The following ERMP1 variants were observed in gnomAD, a reference collection of about 807,000 sequenced individuals.
The protein encoded by ERMP1 is Felix-ina.
In ERMP1, 86 loss-of-function variants were observed where a neutral mutation model predicts 92.0. That is an observed-to-expected ratio of 0.93 (90% CI 0.79 to 1.12). ERMP1 has a LOEUF of 1.12. Among genes scored for constraint, ERMP1 ranks in the 50% most tolerant of loss-of-function variants. The pLI is 0.00. For missense variants in ERMP1, 1,342 were observed against 1,116.3 expected (o/e 1.20, Z -2.88); for synonymous variants, 530 against 412.8 (o/e 1.28, Z -3.44).
intron 5 of ERMP1, chr9:5,812,664 C>A: frequency 1.7e-6 from 1 of 575,606 alleles, no homozygotes. Context: ...ACAGTTCACC[C>A]CTGTTCTTCT....
intron 4 of ERMP1, among the ~76,000 whole-genome samples, chr9:5,813,332 A>G (rs1479538913): frequency 6.6e-6 from 1 of 152,188 alleles, no homozygotes; most frequent in African/African-American, 2.4e-5. Flanking sequence ...TCAATTGTAT[A>G]TCTTTAATTT....
intron 6 of ERMP1, among the ~76,000 whole-genome samples, chr9:5,852,306 T>C (rs1830319728): frequency 6.6e-6 from 1 of 151,878 alleles, no homozygotes; most frequent in African/African-American, 2.4e-5. Context: ...TTCTGTCATG[T>C]AGCTGGAGTG....
At chr9:5,859,693 C>A (rs1261132815) in intron 5 of ERMP1, among the ~76,000 whole-genome samples, 1 of 152,176 alleles carries the variant, frequency 6.6e-6, no homozygotes, top group Non-Finnish European at 1.5e-5. Flanking sequence ...TATTTCAAAG[C>A]CTTAAGTTGT....
intron 5 of ERMP1, among the ~76,000 whole-genome samples, chr9:5,863,774 G>A (rs1830570317): frequency 6.6e-6 from 1 of 152,140 alleles, no homozygotes; most frequent in African/African-American, 2.4e-5. Context: ...GCAGACATAT[G>A]TGTATCTTTT....
intron 5 of ERMP1, among the ~76,000 whole-genome samples, chr9:5,866,709 G>C (rs1830675604): frequency 6.6e-6 from 1 of 152,152 alleles, no homozygotes; most frequent in Non-Finnish European, 1.5e-5. Flanking sequence ...TATTATAAAA[G>C]TTTTTTCAAA....
chr9:5,828,935 T>A (rs1829828091), intron 2 of ERMP1, among the ~76,000 whole-genome samples: 1 of 152,036 alleles, frequency 6.6e-6, no homozygotes, highest in African/African-American at 2.4e-5. Context: ...ATTACTGCTT[T>A]GAAATGGACA....
chr9:5,854,672 T>A (rs1330016236), intron 6 of ERMP1, among the ~76,000 whole-genome samples: 1 of 152,128 alleles, frequency 6.6e-6, no homozygotes, highest in Non-Finnish European at 1.5e-5. Context: ...ACTACAGGCG[T>A]GCGTCACCAT....
At chr9:5,802,262 G>C (rs923721972) in intron 10 of ERMP1, among the ~76,000 whole-genome samples, 6 of 152,160 alleles carry the variant, frequency 3.9e-5, no homozygotes, top group Admixed American at 1.3e-4. Flanking sequence ...TTTTGCTGCA[G>C]ATGCCTCTGG....
intron 4 of ERMP1, among the ~76,000 whole-genome samples, chr9:5,821,955 T>C (rs1302942085): frequency 1.3e-5 from 2 of 152,114 alleles, no homozygotes; most frequent in African/African-American, 4.8e-5. Context: ...CTAACTGACA[T>C]CCAAGAAATA....
intron 10 of ERMP1, among the ~76,000 whole-genome samples, chr9:5,803,058 CAAAA>C (rs1177028088): frequency 2.1e-5 from 3 of 144,390 alleles, no homozygotes; most frequent in East Asian, 2.2e-4. Context: ...AACAAACAAA[CAAAA>C]AACCGTGATT....
rs1283311012 is a variant in ERMP1, at chr9:5,866,204, T to C, written n.3055+1598A>G. 5.3e-5 allele frequency among the ~76,000 whole-genome samples: 8 copies of C among 152,232 alleles called. No individual in the cohort carries two copies. In the East Asian group the frequency reaches 1.2e-3, roughly 22 times the overall value. On this transcript the variant is annotated intron_variant and non_coding_transcript_variant, in intron 5 of 6. Transcript: ENST00000690753. ...AGCCCCTCTCTTACACCAGTTTCCA[T>C]TGGTGTTGGGACTATATTGTTTGTA...
At chr9:5,817,113 A>C (rs548850284) in intron 4 of ERMP1, among the ~76,000 whole-genome samples, 1 of 151,578 alleles carries the variant, frequency 6.6e-6, no homozygotes, top group Non-Finnish European at 1.5e-5. Flanking sequence ...TTATCCAGGA[A>C]GGTCTCGATC....
At chr9:5,792,143 G>A (rs1207376585) in intron 13 of ERMP1, among the ~76,000 whole-genome samples, 1 of 152,104 alleles carries the variant, frequency 6.6e-6, no homozygotes, top group Non-Finnish European at 1.5e-5. Flanking sequence ...CAGTGCAAAG[G>A]GAGTGCTGAA....
At chr9:5,866,349 G>C (rs572889725) in intron 5 of ERMP1, among the ~76,000 whole-genome samples, 2 of 152,274 alleles carry the variant, frequency 1.3e-5, no homozygotes, top group South Asian at 4.1e-4. Flanking sequence ...CAAACCATAG[G>C]ATCCAACAAT....
In ERMP1 at chr9:5,810,155, A is replaced by G; in HGVS notation, c.1404T>C (p.Val468=). The G allele has an allele frequency of 6.2e-7, 1 of 1,614,104 alleles. No homozygotes were observed. Among genetic ancestry groups the G allele is most frequent in the Non-Finnish European group, 8.5e-7 (1 of 1,179,990 alleles). ...GAGAGATGAACACTGCTATAATGAG[A>G]ACGGTAACAAGGCTAGTGAACCAGC... ...LISWFTSLVT[V]LIIAVFISLI... The change falls in exon 8 of 15, where the codon GTT becomes GTC. Residue 468 remains valine (V), a synonymous_variant. Coordinates refer to ENST00000339450, the MANE Select transcript of ERMP1 (RefSeq NM_024896.3).
rs1827967472 is a variant in ERMP1 at position 5,787,015 on chromosome 9, C to G, written c.*129G>C. 4 of 962,064 alleles carry G rather than the reference C, an allele frequency of 4.2e-6. No homozygotes were observed. The highest frequency in any genetic ancestry group is 4.5e-6 in the Non-Finnish European group (3 of 663,466). 59.6% of individuals were successfully genotyped at this position (962,064 alleles called of 1,614,324 possible). On this transcript the variant is annotated 3_prime_UTR_variant, in exon 15 of 15. Transcript: ENST00000339450. The stretch of plus-strand genomic sequence containing the variant: ...GTGCTTGGCCCTGAAAAGCGTTAAC[C>G]CAGAAAGCTCTTTGAACATATGATC...
At chr9:5,820,611 T>C (rs1051233149) in intron 4 of ERMP1, among the ~76,000 whole-genome samples, 7 of 152,196 alleles carry the variant, frequency 4.6e-5, no homozygotes, top group Non-Finnish European at 2.9e-5. Context: ...GTAATGATTA[T>C]TCTAGTCACT....
At chr9:5,851,753 T>C (rs1376269002) in intron 6 of ERMP1, among the ~76,000 whole-genome samples, 2 of 152,146 alleles carry the variant, frequency 1.3e-5, no homozygotes, top group African/African-American at 4.8e-5. Flanking sequence ...GAGTCACCTT[T>C]CCCCTTCACA....
intron 6 of ERMP1, among the ~76,000 whole-genome samples, chr9:5,839,376 C>G (rs907144269): frequency 6.6e-6 from 1 of 152,272 alleles, no homozygotes; most frequent in African/African-American, 2.4e-5. Context: ...CCCATGAACC[C>G]GGAAGTCTCT....
Sources: allele counts gnomAD v4.1 joint callset (sites outside exome capture counted in the v4.1 genomes callset), GRCh38; gene constraint gnomAD v4.1.1; transcripts MANE v1.5; gene names NCBI Gene and HGNC (gene_info 2026-07-23, HGNC 2026-07-21).